The following PROSER1 variants were observed in gnomAD, a reference collection of about 807,000 sequenced individuals.
The protein encoded by PROSER1 is proline and serine rich 1.
Under a neutral mutation model 71.8 loss-of-function variants are expected in PROSER1, and 36 were observed. The observed-to-expected ratio is 0.50, with a 90% CI of 0.38 to 0.66. The LOEUF is 0.66. Ranked by LOEUF, PROSER1 falls within the 30% of genes least tolerant of loss-of-function variation. The pLI is 0.00. For synonymous variants in PROSER1, 490 were observed against 452.4 expected, an observed-to-expected ratio of 1.08 and a Z score of -1.06; for missense variants, 1,107 against 1,135.0, an observed-to-expected ratio of 0.98 and a Z score of 0.35.
chr13:39,026,240 T>G (rs1405019389), intron 6 of PROSER1, 37 bp downstream of exon 6: 1 of 1,294,972 alleles, frequency 7.7e-7, no homozygotes, highest in Admixed American at 1.8e-5. Flanking sequence ...TACTTAACCA[T>G]GAGAAGTTTC....
In PROSER1 at chr13:39,028,214, T is replaced by C; in HGVS notation, c.369+13A>G. Reference sequence around the variant, plus strand: ...CCAGCGTACCAAGTACATGACAATCTTTAGAAAACTACCTGTTCAAGTATT... The same window carrying C: ...CCAGCGTACCAAGTACATGACAATCCTTAGAAAACTACCTGTTCAAGTATT... On this transcript the variant is annotated intron_variant, in intron 5 of 12. Coordinates refer to ENST00000352251, the MANE Select transcript of PROSER1 (RefSeq NM_025138.5). The C allele has an allele frequency of 6.9e-7, 1 of 1,445,684 alleles. No homozygotes were observed. Among genetic ancestry groups the C allele is most frequent in the Non-Finnish European group, 9.7e-7 (1 of 1,029,272 alleles). The allele number at this position is 1,445,684 out of a possible 1,614,324, so 89.6% of individuals were successfully genotyped here.
intron 4 of PROSER1, among the ~76,000 whole-genome samples, chr13:39,028,592 ATAGT>A (rs1282559735): frequency 1.8e-4 from 27 of 152,310 alleles, no homozygotes; most frequent in Admixed American, 5.2e-4. Context: ...TTCTTCAGTG[ATAGT>A]TAGGAGAGCT....
At position 39,011,380 on chromosome 13, in the gene PROSER1, C is replaced by T. The variant is rs1300252431; in HGVS notation, c.2820G>A (p.Gln940=). The change falls in exon 13 of 13, where the codon CAG becomes CAA. Residue 940 remains glutamine, a synonymous_variant. Coordinates refer to ENST00000352251, the MANE Select transcript of PROSER1 (RefSeq NM_025138.5). ...TTAAAAGTATTCACTGCCACCCACT[C>T]TGGGACAGGCTTGGTTGCAAAGAAA... ...TPFSLQPSLS[Q]SGWQ 2.5e-6 allele frequency: 4 copies of T among 1,614,172 alleles called. No homozygotes were observed. Among genetic ancestry groups the T allele is most frequent in the Non-Finnish European group, 3.4e-6 (4 of 1,180,016 alleles).
In PROSER1 at chr13:39,017,515, G is replaced by T; in HGVS notation, c.760C>A (p.Pro254Thr). ...TGCTACTTACTTTGATTCTGTATAG[G>T]TTTTGACGGATTCGAAAGGTCTTCA... ...ENEDLSNPSK[P>T]IQNQTFSTPA... The change falls in exon 10 of 13, where the codon CCT (proline) becomes ACT (threonine). Residue 254 changes from proline to threonine, a missense_variant. Physicochemically the swap from Pro to Thr is conservative, Grantham distance 38. Transcript: ENST00000352251. The T allele has an allele frequency of 6.5e-7, 1 of 1,545,930 alleles. No homozygotes were observed. Among genetic ancestry groups the T allele is most frequent in the Non-Finnish European group, 8.9e-7 (1 of 1,127,556 alleles).
rs774271447 is a variant in PROSER1 at position 39,037,200 on chromosome 13, T to A, written c.43A>T (p.Lys15Ter). 6.2e-7 allele frequency: 1 copy of A among 1,603,340 alleles called. No homozygotes were observed. Among genetic ancestry groups the A allele is most frequent in the Non-Finnish European group, 8.5e-7 (1 of 1,170,212 alleles). The stretch of plus-strand genomic sequence containing the variant: ...ATTCATGGAATCGGTCTAATTACCT[T>A]TCTAATTTCATCCAGCACCATTTCA... Reference protein sequence around the residue: ...SFEMVLDEIRKAVLTEYKLKA... With the variant: ...SFEMVLDEIR Residue 15 changes from lysine to a stop codon, truncating the protein, a stop_gained and splice_region_variant, in exon 1 of 13, where the codon AAG (lysine) becomes TAG (stop). Coordinates refer to ENST00000352251, the MANE Select transcript of PROSER1 (RefSeq NM_025138.5). LOFTEE classifies it high-confidence loss of function.
chr13:39,021,704 C>T (rs1870299384), intron 9 of PROSER1, among the ~76,000 whole-genome samples: 1 of 147,482 alleles, frequency 6.8e-6, no homozygotes, highest in Non-Finnish European at 1.5e-5. Flanking sequence ...TCTTCCTTAA[C>T]TTAATTCAAT....
chr13:39,012,009 A>C, intron 12 of PROSER1, 74 bp downstream of exon 12: 1 of 1,423,392 alleles, frequency 7.0e-7, no homozygotes, highest in East Asian at 2.3e-5. Flanking sequence ...ATCGCAAATG[A>C]TACTGCAATG....
intron 1 of PROSER1, among the ~76,000 whole-genome samples, chr13:39,034,771 G>A (rs1354281166): frequency 3.3e-5 from 5 of 152,166 alleles, no homozygotes; most frequent in Non-Finnish European, 5.9e-5. Context: ...CCTTTTGAGC[G>A]TCCTCATTCA....
In PROSER1 at chr13:39,014,197, C is replaced by T; in HGVS notation, c.1055G>A (p.Ser352Asn). Reference protein sequence around the residue: ...LPTAPVTSIHSTTTTPVPSIF... With the variant: ...LPTAPVTSIHNTTTTPVPSIF... ...GGAAGGAACAGGAGTGGTGGTTGTA[C>T]TGTGGATGGATGTAACAGGTGCAGT... The change falls in exon 11 of 13, where the codon AGT (serine) becomes AAT (asparagine). Residue 352 changes from serine to asparagine, a missense_variant. Transcript: ENST00000352251. 1.9e-6 allele frequency: 3 copies of T among 1,614,058 alleles called. No homozygotes were observed. Among genetic ancestry groups the T allele is most frequent in the South Asian group, 1.1e-5 (1 of 91,082 alleles).
At chr13:39,031,294 C>T (rs1870830635) in intron 3 of PROSER1, among the ~76,000 whole-genome samples, 2 of 152,104 alleles carry the variant, frequency 1.3e-5, no homozygotes, top group Non-Finnish European at 2.9e-5. Context: ...AACAGAAGTG[C>T]AAAAAACCAT....
Position 39,013,644 on chromosome 13 carries a change from G to T in PROSER1, c.1608C>A (p.Ala536=). The change falls in exon 11 of 13, where the codon GCC becomes GCA. Residue 536 remains alanine, a synonymous_variant. Transcript: ENST00000352251. The part of the protein sequence containing the change: ...TPQRTSTPGL[A]LFPGLPSPVA... ...CGGGAGACGGCAGGCCTGGGAACAGGGCCAACCCTGGAGTGGAAGTCCTCT... is the reference window on the plus strand; with the variant it reads ...CGGGAGACGGCAGGCCTGGGAACAGTGCCAACCCTGGAGTGGAAGTCCTCT... The T allele has an allele frequency of 6.2e-7, 1 of 1,614,124 alleles. No homozygotes were observed. The highest frequency in any genetic ancestry group is 8.5e-7 in the Non-Finnish European group (1 of 1,180,014).
chr13:39,025,921 G>A (rs1463896895), intron 6 of PROSER1, among the ~76,000 whole-genome samples: 2 of 152,084 alleles, frequency 1.3e-5, no homozygotes, highest in Non-Finnish European at 2.9e-5. Flanking sequence ...CTTTATATGC[G>A]ATTCCCCAGG....
chr13:39,028,538 A>G (rs1022886719), intron 4 of PROSER1, among the ~76,000 whole-genome samples: 17 of 152,192 alleles, frequency 1.1e-4, no homozygotes, highest in African/African-American at 4.1e-4. Context: ...AAACAGTAAT[A>G]CTGCAAATAA....
At chr13:39,019,971 G>T (rs1430946123) in intron 9 of PROSER1, among the ~76,000 whole-genome samples, 1 of 150,664 alleles carries the variant, frequency 6.6e-6, no homozygotes. Context: ...AATAAAGTCA[G>T]GACAATATTA....
At chr13:39,034,366 T>C (rs528138796) in intron 1 of PROSER1, among the ~76,000 whole-genome samples, 170 bp from the exon 2 acceptor site, 1 of 152,278 alleles carries the variant, frequency 6.6e-6, no homozygotes, top group South Asian at 2.1e-4. Context: ...CTTCCTTCCA[T>C]CTTTCCAGGT....
chr13:39,017,454 A>C, intron 10 of PROSER1, 46 bp downstream of exon 10: 1 of 1,199,068 alleles, frequency 8.3e-7, no homozygotes, highest in Non-Finnish European at 1.2e-6. Context: ...TAACAGAGCA[A>C]ACCATGACAG....
At chr13:39,034,278 T>C (rs1057442530) in intron 1 of PROSER1, 82 bp from the exon 2 acceptor site, 6 of 1,147,936 alleles carry the variant, frequency 5.2e-6, no homozygotes, top group Non-Finnish European at 7.2e-6. Flanking sequence ...CTATCAAAAC[T>C]GCCCAAGCAA....
At position 39,011,253 on chromosome 13, in the gene PROSER1, A is replaced by G. The variant is rs891330443; in HGVS notation, c.*112T>C. Reference sequence around the variant, plus strand: ...TTGTTGTCACAATTTCTCCAGGATTACCCTCATTCTCATTTTCCGACTTTT... The same window carrying G: ...TTGTTGTCACAATTTCTCCAGGATTGCCCTCATTCTCATTTTCCGACTTTT... On this transcript the variant is annotated 3_prime_UTR_variant, in exon 13 of 13. Transcript: ENST00000352251. 6.7e-6 allele frequency: 7 copies of G among 1,038,384 alleles called. No homozygotes were observed. The highest frequency in any genetic ancestry group is 1.0e-5 in the Non-Finnish European group (7 of 696,880). The allele number at this position is 1,038,384 out of a possible 1,614,324, so 64.3% of individuals were successfully genotyped here.
At chr13:39,017,433 T>C (rs1870054988) in intron 10 of PROSER1, 67 bp downstream of exon 10, 2 of 931,358 alleles carry the variant, frequency 2.1e-6, no homozygotes, top group Admixed American at 4.7e-5. Context: ...ACTCAAATTA[T>C]TCTCAGTGAA....
Sources: gnomAD v4.1 joint callset for allele counts (sites outside exome capture counted in the v4.1 genomes callset) on GRCh38, gnomAD v4.1.1 for gene constraint, MANE v1.5 for transcripts, NCBI Gene and HGNC (gene_info 2026-07-23, HGNC 2026-07-21) for gene names.